JADE2: variants seen among roughly 807,000 people sequenced by gnomAD.
JADE2 encodes E3 ubiquitin-protein ligase Jade-2.
A neutral mutation model predicts 85.7 loss-of-function variants in JADE2; 13 were observed. The ratio of observed to expected loss-of-function variants is 0.15; its 90% CI spans 0.10 to 0.24. The LOEUF (loss-of-function observed/expected upper bound fraction) is 0.24, where lower values mean the gene tolerates loss of function less well. Ranked by LOEUF, JADE2 falls within the 10% of genes least tolerant of loss-of-function variation. JADE2 has a pLI of 1.00. For missense variants in JADE2, 846 were observed against 1,115.9 expected, an observed-to-expected ratio of 0.76 and a Z score of 3.45; for synonymous variants, 440 against 456.1, an observed-to-expected ratio of 0.96 and a Z score of 0.45.
rs553250889 is a variant in JADE2, at chr5:134,529,663, C to T, written c.-1+3652C>T. Among the ~76,000 whole-genome samples the T allele has an allele frequency of 1.8e-4, 27 of 152,354 alleles. No individual in the cohort carries two copies. In the South Asian group the frequency reaches 2.7e-3, roughly 15 times the overall value. ...CCTTATTATACCTGGGGAGGGTCCC[C>T]GATGCAGCTTGGACCTTTGATCTCT... is the stretch of plus-strand genomic sequence containing the variant. On this transcript the variant is annotated intron_variant, in intron 1 of 11. Transcript: ENST00000681547.
At chr5:134,538,445 AG>A (rs1400513756) in intron 3 of JADE2, among the ~76,000 whole-genome samples, 6 of 152,244 alleles carry the variant, frequency 3.9e-5, no homozygotes, top group Middle Eastern at 3.4e-3. Context: ...GAGAAGCAGC[AG>A]GGTTTGTGAC....
chr5:134,581,582 G>C lies in JADE2; in HGVS notation c.*2265G>C, dbSNP rs1418218086. 6.6e-6 allele frequency: 1 copy of C among 152,664 alleles called. No individual in the cohort carries two copies. Among genetic ancestry groups the C allele is most frequent in the East Asian group, 1.9e-4 (1 of 5,204 alleles). 9.5% of individuals were successfully genotyped at this position (152,664 alleles called of 1,614,324 possible). On this transcript the variant is annotated 3_prime_UTR_variant, in exon 12 of 12. Coordinates refer to ENST00000681547, the MANE Select transcript of JADE2 (RefSeq NM_001388185.1). ...GTGGGTGGAGAATTAGGGAGAGGGT[G>C]CAACGAGTCTGGCCCCTTGCCTCGG... is the stretch of plus-strand genomic sequence containing the variant.
intron 1 of JADE2, among the ~76,000 whole-genome samples, chr5:134,533,250 A>G (rs1761363860): frequency 6.6e-6 from 1 of 152,190 alleles, no homozygotes; most frequent in Non-Finnish European, 1.5e-5. Flanking sequence ...ATGGATCTCT[A>G]GCCACTGTGC....
upstream of JADE2, chr5:134,524,329 G>C (rs895797981): frequency 6.6e-6 from 1 of 152,456 alleles, no homozygotes; most frequent in South Asian, 2.1e-4. Context: ...CCAAGGCCCC[G>C]CCACCGCCGG....
At chr5:134,577,735 G>GTC (rs1246248754) in intron 11 of JADE2, among the ~76,000 whole-genome samples, 11 of 152,160 alleles carry the variant, frequency 7.2e-5, no homozygotes, top group African/African-American at 2.7e-4. Context: ...TAACTTGGGT[G>GTC]TCTAACAGGA....
intron 11 of JADE2, chr5:134,577,114 A>G: frequency 1.9e-6 from 1 of 534,052 alleles, no homozygotes; most frequent in East Asian, 3.5e-5. Flanking sequence ...CCCCGTCTGT[A>G]GACCTGGATG....
intron 4 of JADE2, among the ~76,000 whole-genome samples, chr5:134,557,040 ACACACACACCT>A: frequency 2.0e-5 from 1 of 50,580 alleles, no homozygotes; most frequent in Non-Finnish European, 4.9e-5. Flanking sequence ...CACACACACC[ACACACACACCT>A]CACACATCAC....
At chr5:134,570,492 T>C (rs1763922906) in intron 9 of JADE2, among the ~76,000 whole-genome samples, 1 of 152,174 alleles carries the variant, frequency 6.6e-6, no homozygotes, top group Non-Finnish European at 1.5e-5. Context: ...CGTGGGTTCC[T>C]CCGCTCCCAC....
intron 9 of JADE2, among the ~76,000 whole-genome samples, chr5:134,571,113 CTT>C (rs1162793135): frequency 3.9e-5 from 6 of 152,228 alleles, no homozygotes; most frequent in African/African-American, 1.4e-4. Flanking sequence ...TGCCAGGAAT[CTT>C]TGCTGTTCCT....
In JADE2 at chr5:134,578,619, G is replaced by A. The variant is rs766216618; in HGVS notation, c.1807G>A (p.Asp603Asn). 2 of 1,614,058 alleles carry A rather than the reference G, an allele frequency of 1.2e-6. No individual in the cohort carries two copies. The highest frequency in any genetic ancestry group is 1.7e-6 in the Non-Finnish European group (2 of 1,180,050). Residue 603 changes from aspartate to asparagine, a missense_variant, in exon 12 of 12, where the codon GAC becomes AAC. By Grantham distance (23) the Asp-to-Asn change is conservative (BLOSUM62 1). Around this residue, in one of 9 missense-constraint regions of JADE2, gnomAD observed 119 missense variants for 163.9 expected, o/e 0.73. Transcript: ENST00000681547. This position sits in a 1 kb window ranked among gnomAD's most constrained non-coding sequence, Gnocchi z 4.4. ...EWPLNNGHRE[D>N]PAPGLLSEEL... ...GCCACTGAACAATGGGCACCGCGAG[G>A]ACCCTGCTCCAGGGCTGCTGTCAGA...
rs34182692 is a variant in JADE2, at chr5:134,552,987, C to CTTTT, written c.311+799_311+802dup. ...CCAGCCGTAAGCCTCTGGGCCTGGC[C>CTTTT]TTTTTTTTTTTTTTTTTTTTTTTTC... On this transcript the variant is annotated intron_variant, in intron 4 of 11. Coordinates refer to ENST00000681547, the MANE Select transcript of JADE2 (RefSeq NM_001388185.1). Among the ~76,000 whole-genome samples, 137 of 62,392 alleles carry CTTTT rather than the reference C, an allele frequency of 2.2e-3. 5 individuals carry two copies. The highest frequency in any genetic ancestry group is 2.2e-3 in the Non-Finnish European group (82 of 36,730). The allele number at this position is 62,392 out of a possible 152,430, so 40.9% of individuals were successfully genotyped here.
chr5:134,580,609 C>T lies in JADE2; in HGVS notation c.*1292C>T, dbSNP rs964870694. 6.6e-6 allele frequency: 1 copy of T among 152,122 alleles called. No homozygotes were observed. The highest frequency in any genetic ancestry group is 1.5e-5 in the Non-Finnish European group (1 of 68,012). The allele number at this position is 152,122 out of a possible 1,614,324, so 9.4% of individuals were successfully genotyped here. A position where few individuals can be genotyped will look rare whatever the true frequency, so the allele number is the denominator to read the frequency against. On this transcript the variant is annotated 3_prime_UTR_variant, in exon 12 of 12. Transcript: ENST00000681547. ...TGATGAATTACTCCTGGGTCACTTCCACCACTGGTAAAGCCAGAACTTCTC... is the reference window on the plus strand; with the variant it reads ...TGATGAATTACTCCTGGGTCACTTCTACCACTGGTAAAGCCAGAACTTCTC...
In JADE2 at chr5:134,553,850, G is replaced by A. The variant is rs898028331; in HGVS notation, c.311+1641G>A. On this transcript the variant is annotated intron_variant, in intron 4 of 11. Transcript: ENST00000681547. ...TCATGAGGCAGAGAGACCCCTGGCC[G>A]CTCTTGTCAGGAGGAGGCCACATGG... Among the ~76,000 whole-genome samples the A allele has an allele frequency of 8.5e-5, 13 of 152,196 alleles. 1 individual carries two copies. The highest frequency in any genetic ancestry group is 5.8e-4 in the East Asian group (3 of 5,196).
intron 1 of JADE2, 109 bp from the exon 2 acceptor site, chr5:134,535,749 C>A (rs1464896473): frequency 2.3e-6 from 2 of 886,862 alleles, no homozygotes; most frequent in African/African-American, 1.6e-5. Flanking sequence ...TTATTCTTAT[C>A]TTTCTGCAGT....
intron 2 of JADE2, among the ~76,000 whole-genome samples, chr5:134,537,293 G>T (rs1761653156): frequency 6.6e-6 from 1 of 152,180 alleles, no homozygotes. Context: ...TAAGGGCGGA[G>T]GCCACAGCAC....
rs1760777574 is a variant in JADE2 at position 134,525,903 on chromosome 5, C to G, written c.-109C>G. On this transcript the variant is annotated 5_prime_UTR_variant, in exon 1 of 12. Coordinates refer to ENST00000681547, the MANE Select transcript of JADE2 (RefSeq NM_001388185.1). Reference sequence around the variant, plus strand: ...GGATGGATGCGCGCCCCCCGCCCTCCCGCGCCGGCCCCAGGAGCTCCCGGC... The same window carrying G: ...GGATGGATGCGCGCCCCCCGCCCTCGCGCGCCGGCCCCAGGAGCTCCCGGC... 2 of 985,834 alleles carry G rather than the reference C, an allele frequency of 2.0e-6. No individual in the cohort carries two copies. The highest frequency in any genetic ancestry group is 2.4e-6 in the Non-Finnish European group (2 of 830,508). The allele number at this position is 985,834 out of a possible 1,614,324, so 61.1% of individuals were successfully genotyped here.
intron 9 of JADE2, among the ~76,000 whole-genome samples, chr5:134,571,619 C>T (rs1381777093): frequency 6.6e-6 from 1 of 152,248 alleles, no homozygotes; most frequent in Non-Finnish European, 1.5e-5. Flanking sequence ...ATGGCTTCAA[C>T]CCGGGAGGCC....
Position 134,566,083 on chromosome 5 carries a change from C to G in JADE2, c.970-33C>G. The stretch of plus-strand genomic sequence containing the variant: ...CTTCTCCCCTCCCACCAGGCTCCCT[C>G]CATGTCTGATCCTGCCCCTCCTTTC... On this transcript the variant is annotated intron_variant, in intron 8 of 11. Transcript: ENST00000681547. The surrounding 1 kb of genome is among the most constrained non-coding windows in gnomAD (Gnocchi z 6.7). 1 of 1,578,756 alleles carries G rather than the reference C, an allele frequency of 6.3e-7. No individual in the cohort carries two copies. Among genetic ancestry groups the G allele is most frequent in the East Asian group, 2.2e-5 (1 of 44,694 alleles).
intron 3 of JADE2, among the ~76,000 whole-genome samples, chr5:134,551,467 A>G (rs1762587179): frequency 6.6e-6 from 1 of 151,676 alleles, no homozygotes; most frequent in Admixed American, 6.6e-5. Context: ...GGATTCAAGC[A>G]GTCCTCCCTC....
Sources: gnomAD v4.1 joint callset for allele counts (sites outside exome capture counted in the v4.1 genomes callset) on GRCh38, gnomAD v4.1.1 for gene constraint, gnomAD v4.1.1 regional missense constraint, Gnocchi (gnomAD v3.1) non-coding constraint, MANE v1.5 for transcripts, NCBI Gene and HGNC (gene_info 2026-07-23, HGNC 2026-07-21) for gene names.